The following KANK1 variants were observed in gnomAD, a reference collection of about 807,000 sequenced individuals.
The protein encoded by KANK1 is KN motif and ankyrin repeat domains 1, also known as KN motif and ankyrin repeat domain-containing protein 1.
In KANK1, 109 loss-of-function variants were observed where a neutral mutation model predicts 106.2. That is an observed-to-expected ratio of 1.03 (90% CI 0.88 to 1.20). KANK1 has a LOEUF of 1.20. Ranked by LOEUF, KANK1 falls within the 50% of genes most tolerant of loss-of-function variation. The pLI is 0.00. For missense variants in KANK1, 2,399 were observed against 1,710.7 expected (o/e 1.40, Z -7.10); for synonymous variants, 873 against 652.2 (o/e 1.34, Z -5.16).
intron 1 of KANK1, among the ~76,000 whole-genome samples, chr9:587,322 A>G (rs1823746054): frequency 6.6e-6 from 1 of 152,282 alleles, no homozygotes; most frequent in East Asian, 1.9e-4. Context: ...AATATGAGCA[A>G]GCTGTTTTAC....
At chr9:652,145 T>G (rs1841020335) in intron 1 of KANK1, among the ~76,000 whole-genome samples, 1 of 152,200 alleles carries the variant, frequency 6.6e-6, no homozygotes, top group African/African-American at 2.4e-5. Flanking sequence ...ATTTACCCAT[T>G]TATAATTAAT....
At chr9:520,479 G>A (rs137973200) in intron 1 of KANK1, among the ~76,000 whole-genome samples, 34 of 151,824 alleles carry the variant, frequency 2.2e-4, no homozygotes, top group Non-Finnish European at 4.4e-4. Context: ...TGGTAGAGAA[G>A]TGTGGTTAAT....
At chr9:473,702 A>C (rs901236545) in intron 3 of KANK1, among the ~76,000 whole-genome samples, 14 of 144,862 alleles carry the variant, frequency 9.7e-5, no homozygotes, top group Non-Finnish European at 1.2e-4. Context: ...AAGAACAAGA[A>C]TTTTTTTTTT....
At chr9:580,346 G>A (rs1174612365) in intron 1 of KANK1, among the ~76,000 whole-genome samples, 1 of 152,152 alleles carries the variant, frequency 6.6e-6, no homozygotes, top group African/African-American at 2.4e-5. Flanking sequence ...AAGATTTATT[G>A]CAAAGAGTGA....
chr9:664,789 C>G (rs531329619), intron 1 of KANK1, among the ~76,000 whole-genome samples: 1 of 152,306 alleles, frequency 6.6e-6, no homozygotes, highest in Admixed American at 6.5e-5. Context: ...TACATTCCCA[C>G]CAACAATGTG....
chr9:614,040 G>A (rs1238057477), intron 1 of KANK1, among the ~76,000 whole-genome samples: 1 of 152,170 alleles, frequency 6.6e-6, no homozygotes, highest in African/African-American at 2.4e-5. Context: ...GCACTGGAGG[G>A]CCATTTTTCA....
intron 3 of KANK1, among the ~76,000 whole-genome samples, chr9:716,758 T>C (rs1460827448): frequency 6.6e-6 from 1 of 152,208 alleles, no homozygotes; most frequent in Non-Finnish European, 1.5e-5. Context: ...AGAGCATGCA[T>C]CATAAGAAAT....
intron 1 of KANK1, among the ~76,000 whole-genome samples, chr9:544,826 G>C (rs753626581): frequency 2.6e-5 from 4 of 151,546 alleles, no homozygotes; most frequent in Admixed American, 2.6e-4. Context: ...GGGGGTGGGA[G>C]GGTAGGTCAT....
At chr9:627,173 C>G (rs949122560) in intron 1 of KANK1, among the ~76,000 whole-genome samples, 5 of 152,132 alleles carry the variant, frequency 3.3e-5, no homozygotes, top group African/African-American at 1.2e-4. Flanking sequence ...TGCCCTAGAT[C>G]CTCCTGTCCT....
At chr9:606,025 A>C (rs1293987430) in intron 1 of KANK1, among the ~76,000 whole-genome samples, 1 of 151,458 alleles carries the variant, frequency 6.6e-6, no homozygotes, top group Non-Finnish European at 1.5e-5. Flanking sequence ...TCTGGGTTTT[A>C]CTATTCAGTC....
chr9:525,881 T>A (rs10758676), intron 1 of KANK1, among the ~76,000 whole-genome samples: 85,300 of 150,678 alleles, frequency 0.57, 26,871 homozygotes, highest in Non-Finnish European at 0.7. Context: ...CAGTTAGTTT[T>A]AAAAAAAAAT....
chr9:632,287 G>A (rs1302291019), intron 1 of KANK1, among the ~76,000 whole-genome samples: 1 of 152,174 alleles, frequency 6.6e-6, no homozygotes, highest in East Asian at 1.9e-4. Context: ...TTGATATCTA[G>A]GATGATACAT....
intron 3 of KANK1, among the ~76,000 whole-genome samples, chr9:715,408 C>A (rs1428694371): frequency 6.6e-6 from 1 of 152,270 alleles, no homozygotes; most frequent in Non-Finnish European, 1.5e-5. Flanking sequence ...GCATTTTGTT[C>A]CCAGCCTTCC....
intron 1 of KANK1, among the ~76,000 whole-genome samples, chr9:655,229 G>A (rs1468573690): frequency 6.6e-6 from 1 of 151,950 alleles, no homozygotes; most frequent in Non-Finnish European, 1.5e-5. Context: ...AAATTAGTCG[G>A]GCATGATGGC....
intron 3 of KANK1, among the ~76,000 whole-genome samples, chr9:719,772 G>T (rs909619167): frequency 1.3e-5 from 2 of 151,878 alleles, no homozygotes; most frequent in Admixed American, 6.6e-5. Context: ...AAGAGATGGG[G>T]TCTTGCTTTG....
chr9:563,186 C>CA (rs1816933870), intron 1 of KANK1, among the ~76,000 whole-genome samples: 1 of 37,972 alleles, frequency 2.6e-5, no homozygotes, highest in Non-Finnish European at 4.7e-5. Flanking sequence ...AATATTTTGT[C>CA]AGACTTTTTT....
At chr9:738,256 G>C in intron 7 of KANK1, 29 bp from the exon 8 acceptor site, 1 of 1,578,294 alleles carries the variant, frequency 6.3e-7, no homozygotes, top group Non-Finnish European at 8.7e-7. Flanking sequence ...ATAAATAGAA[G>C]AACTAACGAC....
intron 3 of KANK1, among the ~76,000 whole-genome samples, chr9:720,759 A>C (rs1307294297): frequency 1.3e-5 from 2 of 152,020 alleles, no homozygotes; most frequent in East Asian, 3.9e-4. Context: ...CAGCCCCTCA[A>C]AGTACTGGGA....
At chr9:571,216 G>C (rs116154871) in intron 1 of KANK1, among the ~76,000 whole-genome samples, 2 of 152,124 alleles carry the variant, frequency 1.3e-5, no homozygotes, top group Non-Finnish European at 2.9e-5. Flanking sequence ...TGTCTTCTCT[G>C]CAAGAAAAGG....
Sources: allele counts gnomAD v4.1 joint callset (sites outside exome capture counted in the v4.1 genomes callset), GRCh38; gene constraint gnomAD v4.1.1; transcripts MANE v1.5; gene names NCBI Gene and HGNC (gene_info 2026-07-23, HGNC 2026-07-21).